Variants in AMBRA1 observed in about 807,000 individuals in gnomAD.
The protein encoded by AMBRA1 is activating molecule in BECN1-regulated autophagy protein 1.
In AMBRA1, 47 loss-of-function variants were observed where a neutral mutation model predicts 125.4. That is an observed-to-expected ratio of 0.37 (90% confidence interval 0.30 to 0.48). The LOEUF (loss-of-function observed/expected upper bound fraction) is 0.48, where lower values mean the gene tolerates loss of function less well. AMBRA1 is among the 20% of genes least tolerant of loss of function. The probability of loss-of-function intolerance (pLI) is 0.99; values close to 1 mark genes in which losing one functional copy is unlikely to be tolerated. For missense variants in AMBRA1, 1,331 were observed against 1,693.4 expected, an observed-to-expected ratio of 0.79 and a Z score of 3.76; for synonymous variants, 626 against 655.5, an observed-to-expected ratio of 0.95 and a Z score of 0.69.
chr11:46,507,176 C>CAA (rs59385965), intron 9 of AMBRA1, among the ~76,000 whole-genome samples: 1,163 of 31,306 alleles, frequency 0.037, 144 homozygotes, highest in African/African-American at 0.13. Flanking sequence ...GACTCCGTCT[C>CAA]AAAAAAAAAA....
intron 1 of AMBRA1, among the ~76,000 whole-genome samples, chr11:46,558,901 A>G (rs566911417): frequency 6.6e-6 from 1 of 152,224 alleles, no homozygotes; most frequent in Non-Finnish European, 1.5e-5. Context: ...AAAGATCCCA[A>G]ATGAACCCAA....
chr11:46,520,920 A>G (rs1400371061), intron 7 of AMBRA1, among the ~76,000 whole-genome samples: 1 of 151,714 alleles, frequency 6.6e-6, no homozygotes, highest in Non-Finnish European at 1.5e-5. Flanking sequence ...AGCATTTTGT[A>G]CCTCTCTTAA....
In AMBRA1 at chr11:46,542,503, C is replaced by T. The variant is rs145466300; in HGVS notation, c.1514G>A (p.Arg505His). The part of the protein sequence containing the change: ...IRHELQCDLR[R>H]FFLEYDRLQE... ...AAGCCGGTCATACTCCAGAAAGAAG[C>T]GTCTCAGGTCACACTGAAGCTCATG... The change falls in exon 7 of 18, where the codon CGC (arginine) becomes CAC (histidine). Residue 505 changes from arginine to histidine, a missense_variant. By Grantham distance (29) the Arg-to-His change is conservative. Transcript: ENST00000683756. The surrounding 1 kb of genome is among the most constrained non-coding windows in gnomAD (Gnocchi z 5.9). 2,900 of 1,613,530 alleles carry T rather than the reference C, an allele frequency of 1.8e-3. 8 individuals carry two copies. The highest frequency in any genetic ancestry group is 2.9e-3 in the South Asian group (261 of 91,086).
chr11:46,557,258 G>A (rs888345374), intron 1 of AMBRA1, among the ~76,000 whole-genome samples: 3 of 145,306 alleles, frequency 2.1e-5, no homozygotes, highest in Non-Finnish European at 4.5e-5. Context: ...CCGAGATCAC[G>A]CCACTGCACT....
chr11:46,432,449 G>C (rs1381958886), intron 14 of AMBRA1, among the ~76,000 whole-genome samples: 1 of 152,200 alleles, frequency 6.6e-6, no homozygotes, highest in African/African-American at 2.4e-5. Context: ...AGACAGGAGG[G>C]AGAAGAGGCT....
intron 1 of AMBRA1, chr11:46,549,132 C>T (rs1232885472): frequency 6.6e-6 from 1 of 151,618 alleles, no homozygotes; most frequent in Non-Finnish European, 1.5e-5. Flanking sequence ...TACCACAAGA[C>T]TTACAAGGAG....
chr11:46,421,797 G>A (rs1946860818), intron 14 of AMBRA1, among the ~76,000 whole-genome samples: 1 of 152,110 alleles, frequency 6.6e-6, no homozygotes, highest in African/African-American at 2.4e-5. Flanking sequence ...AACCATTTAC[G>A]GTTTTGGTCA....
At chr11:46,507,109 G>A (rs1174078253) in intron 9 of AMBRA1, among the ~76,000 whole-genome samples, 2 of 147,488 alleles carry the variant, frequency 1.4e-5, no homozygotes, top group Admixed American at 6.8e-5. Context: ...CCTGGGAGGC[G>A]GAGCTTGCAG....
chr11:46,405,677 G>C (rs1247046717), intron 17 of AMBRA1, among the ~76,000 whole-genome samples: 1 of 152,114 alleles, frequency 6.6e-6, no homozygotes, highest in Non-Finnish European at 1.5e-5. Flanking sequence ...AGTGAGCCAT[G>C]ATGGTGCCAC....
chr11:46,520,896 C>T (rs1349632570), intron 7 of AMBRA1, among the ~76,000 whole-genome samples: 6 of 151,882 alleles, frequency 4.0e-5, no homozygotes, highest in Non-Finnish European at 5.9e-5. Context: ...TGAGCCACCG[C>T]GCCCGGCCCC....
At position 46,397,407 on chromosome 11, in the gene AMBRA1, C is replaced by T. The variant is rs1226496295; in HGVS notation, c.*43G>A. On this transcript the variant is annotated 3_prime_UTR_variant, in exon 18 of 18. Coordinates refer to ENST00000683756, the MANE Select transcript of AMBRA1 (RefSeq NM_001387011.1). Reference sequence around the variant, plus strand: ...CCCAGTCAGCTGTGAGGTCCGGTTTCTGCTTGGCGGTTCGAGGGGAGGCAC... The same window carrying T: ...CCCAGTCAGCTGTGAGGTCCGGTTTTTGCTTGGCGGTTCGAGGGGAGGCAC... The T allele has an allele frequency of 1.4e-5, 20 of 1,469,020 alleles. No homozygotes were observed. The highest frequency in any genetic ancestry group is 2.4e-5 in the East Asian group (1 of 42,164). The allele number at this position is 1,469,020 out of a possible 1,614,324, so 91.0% of individuals were successfully genotyped here. A position where few individuals can be genotyped will look rare whatever the true frequency, so the allele number is the denominator to read the frequency against.
rs547203154 is a variant in AMBRA1 at position 46,462,164 on chromosome 11, C to CA, written c.2522-18567dup. Among the ~76,000 whole-genome samples, 236 of 152,296 alleles carry CA rather than the reference C, an allele frequency of 1.5e-3. 3 individuals are homozygous for CA. Among genetic ancestry groups the CA allele is most frequent in the Non-Finnish European group, 2.4e-3 (161 of 68,022 alleles). On this transcript the variant is annotated intron_variant, in intron 11 of 17. Transcript: ENST00000683756. The stretch of plus-strand genomic sequence containing the variant: ...TTCTGTCAGAGCTGCATGCATCTCC[C>CA]AGAAAACCCTGGACCTGCTATCACA...
In AMBRA1 at chr11:46,543,222, A is replaced by G; in HGVS notation, c.795T>C (p.Ser265=). The change falls in exon 7 of 18, where the codon TCT becomes TCC. Residue 265 remains serine (S), a synonymous_variant. Transcript: ENST00000683756. ...QVGEQSTVQD[S]ATPSPPPPPP... ...GAGGCGGTGGGGGTGAGGGGGTAGCAGAATCTTGCACTGTGCTTTGCTCTC... is the reference window on the plus strand; with the variant it reads ...GAGGCGGTGGGGGTGAGGGGGTAGCGGAATCTTGCACTGTGCTTTGCTCTC... 1 of 1,611,254 alleles carries G rather than the reference A, an allele frequency of 6.2e-7. No homozygotes were observed. The highest frequency in any genetic ancestry group is 8.5e-7 in the Non-Finnish European group (1 of 1,178,928).
intron 7 of AMBRA1, 112 bp downstream of exon 7, chr11:46,541,833 C>T: frequency 3.6e-6 from 5 of 1,388,356 alleles, no homozygotes; most frequent in Non-Finnish European, 4.9e-6. Context: ...AGATCAGAAG[C>T]AGATGCGTGG....
intron 1 of AMBRA1, among the ~76,000 whole-genome samples, chr11:46,555,808 TC>T (rs1472740486): frequency 1.3e-5 from 2 of 152,194 alleles, no homozygotes; most frequent in African/African-American, 4.8e-5. Flanking sequence ...CCCCAAATCT[TC>T]CCCTTCCTAT....
At chr11:46,406,900 G>T (rs1395557454) in intron 17 of AMBRA1, among the ~76,000 whole-genome samples, 1 of 151,028 alleles carries the variant, frequency 6.6e-6, no homozygotes, top group Non-Finnish European at 1.5e-5. Context: ...AAAAAAACAG[G>T]CCAGGCACGG....
chr11:46,427,295 G>A (rs1326503097), intron 14 of AMBRA1, among the ~76,000 whole-genome samples: 1 of 152,112 alleles, frequency 6.6e-6, no homozygotes, highest in Non-Finnish European at 1.5e-5. Context: ...TTTTTTCTAT[G>A]GTTCATTTTA....
chr11:46,460,356 C>T (rs1234262722), intron 11 of AMBRA1, among the ~76,000 whole-genome samples: 1 of 148,718 alleles, frequency 6.7e-6, no homozygotes, highest in African/African-American at 2.5e-5. Context: ...GAGTCTCGCT[C>T]TGTTGCCCAG....
At chr11:46,525,471 G>T (rs1471730304) in intron 7 of AMBRA1, among the ~76,000 whole-genome samples, 1 of 151,606 alleles carries the variant, frequency 6.6e-6, no homozygotes, top group African/African-American at 2.4e-5. Flanking sequence ...AAGTCTGGGC[G>T]CGGTGGCTCA....
Sources: allele counts gnomAD v4.1 joint callset (sites outside exome capture counted in the v4.1 genomes callset), GRCh38; gene constraint gnomAD v4.1.1; non-coding constraint Gnocchi (gnomAD v3.1); transcripts MANE v1.5; gene names NCBI Gene and HGNC (gene_info 2026-07-23, HGNC 2026-07-21).